ZMAT4: variants seen among roughly 807,000 people sequenced by gnomAD.
ZMAT4 encodes zinc finger matrin-type protein 4.
A neutral mutation model predicts 28.7 loss-of-function variants in ZMAT4; 17 were observed. The ratio of observed to expected loss-of-function variants is 0.59; its 90% CI spans 0.41 to 0.89. The LOEUF (loss-of-function observed/expected upper bound fraction) is 0.89, where lower values mean the gene tolerates loss of function less well. ZMAT4 is among the 40% of genes least tolerant of loss of function. ZMAT4 has a pLI of 0.00. For synonymous variants in ZMAT4, 117 were observed against 109.2 expected (o/e 1.07, Z -0.44); for missense variants, 240 against 283.8 (o/e 0.85, Z 1.11).
chr8:40,670,219 A>G (rs1256733226), intron 5 of ZMAT4, among the ~76,000 whole-genome samples: 1 of 152,206 alleles, frequency 6.6e-6, no homozygotes, highest in Non-Finnish European at 1.5e-5. Context: ...AACAGAATAA[A>G]TTGTCCAGAT....
At chr8:40,846,688 G>A (rs890109451) in intron 1 of ZMAT4, among the ~76,000 whole-genome samples, 6 of 152,176 alleles carry the variant, frequency 3.9e-5, no homozygotes, top group African/African-American at 1.4e-4. Context: ...CAGGAGCAGG[G>A]CTGGGCATTG....
chr8:40,757,486 T>G (rs1812743881), intron 3 of ZMAT4, among the ~76,000 whole-genome samples: 1 of 151,464 alleles, frequency 6.6e-6, no homozygotes, highest in African/African-American at 2.4e-5. Context: ...CTTGGGAGGC[T>G]GAGGCAGGAG....
At position 40,828,077 on chromosome 8, in the gene ZMAT4, G is replaced by A. The variant is rs749127950; in HGVS notation, c.-4-2397C>T. On this transcript the variant is annotated intron_variant, in intron 1 of 6. Transcript: ENST00000297737. ...AAAAGCAAGACCAAGAACAGAATGC[G>A]GGCACTCCGGAGATGGTCTACATGA... is the stretch of plus-strand genomic sequence containing the variant. Among the ~76,000 whole-genome samples the A allele has an allele frequency of 3.9e-5, 6 of 152,202 alleles. No homozygotes were observed. The South Asian group carries it at 8.3e-4, about 21-fold the overall frequency.
chr8:40,892,460 G>A lies in ZMAT4; in HGVS notation c.-5+5223C>T, dbSNP rs1452142158. ...AGTCATCGGCATAAACAGGGAAGCT[G>A]GAGTGGAGTGCATGGTGTTAGTAAC... On this transcript the variant is annotated intron_variant, in intron 1 of 6. Coordinates refer to ENST00000297737, the MANE Select transcript of ZMAT4 (RefSeq NM_024645.3). 2.0e-5 allele frequency among the ~76,000 whole-genome samples: 3 copies of A among 152,324 alleles called. No individual in the cohort carries two copies. The East Asian group carries it at 5.8e-4, about 29-fold the overall frequency.
intron 3 of ZMAT4, among the ~76,000 whole-genome samples, chr8:40,749,686 T>G (rs941081720): frequency 6.6e-6 from 1 of 152,214 alleles, no homozygotes; most frequent in Admixed American, 6.5e-5. Flanking sequence ...ACTACTAAGG[T>G]CACTTATGCA....
intron 1 of ZMAT4, among the ~76,000 whole-genome samples, chr8:40,846,925 T>C (rs1816923411): frequency 6.6e-6 from 1 of 152,164 alleles, no homozygotes; most frequent in Non-Finnish European, 1.5e-5. Context: ...GAGTGGGGAA[T>C]GCCAGGCACA....
intron 6 of ZMAT4, among the ~76,000 whole-genome samples, chr8:40,571,172 A>C (rs1804085713): frequency 6.6e-6 from 1 of 152,144 alleles, no homozygotes; most frequent in Admixed American, 6.5e-5. Context: ...GTAATTCTAG[A>C]GGTGATATGA....
intron 2 of ZMAT4, among the ~76,000 whole-genome samples, chr8:40,817,326 C>T (rs16889981): frequency 0.026 from 4,008 of 152,236 alleles, 205 homozygotes; most frequent in East Asian, 0.21. Flanking sequence ...ACTATGAATG[C>T]TGGCAGTCCC....
Position 40,771,081 on chromosome 8 carries a change from TAAC to T in ZMAT4, c.103-3354_103-3352del, listed in dbSNP as rs543785414. Reference sequence around the variant, plus strand: ...AAAATTAGGGAGACAATTGCAGATTTAACAACAGAAGGCTGATAAAGCAGCCGT... The same window carrying T: ...AAAATTAGGGAGACAATTGCAGATTTAACAGAAGGCTGATAAAGCAGCCGT... On this transcript the variant is annotated intron_variant, in intron 2 of 6. Coordinates refer to ENST00000297737, the MANE Select transcript of ZMAT4 (RefSeq NM_024645.3). 2.6e-5 allele frequency among the ~76,000 whole-genome samples: 4 copies of T among 152,256 alleles called. No individual in the cohort carries two copies. In the South Asian group the frequency reaches 8.3e-4, roughly 32 times the overall value.
At chr8:40,572,976 C>T (rs1362030637) in intron 6 of ZMAT4, among the ~76,000 whole-genome samples, 2 of 152,144 alleles carry the variant, frequency 1.3e-5, no homozygotes, top group Non-Finnish European at 2.9e-5. Context: ...TTGGAAAAGT[C>T]ATTTAACTTC....
chr8:40,849,963 C>G (rs2150634359), intron 1 of ZMAT4, among the ~76,000 whole-genome samples: 1 of 152,250 alleles, frequency 6.6e-6, no homozygotes, highest in Middle Eastern at 3.4e-3. Flanking sequence ...GAATGGAAAC[C>G]TGGGATCGCT....
chr8:40,861,525 G>A (rs556880024), intron 1 of ZMAT4, among the ~76,000 whole-genome samples: 4 of 152,270 alleles, frequency 2.6e-5, no homozygotes, highest in South Asian at 2.1e-4. Flanking sequence ...CAAGGACTTC[G>A]TGTCTAAAAC....
Position 40,615,896 on chromosome 8 carries a change from T to C in ZMAT4, c.578-34635A>G, listed in dbSNP as rs183944703. ...CTAAAATTGACAAATGGGATCTAAT[T>C]AAACTAAAGAGCTTCTGCACAGCAA... On this transcript the variant is annotated intron_variant, in intron 5 of 6. Transcript: ENST00000297737. Among the ~76,000 whole-genome samples, 117 of 152,224 alleles carry C rather than the reference T, an allele frequency of 7.7e-4. 1 individual carries two copies. Among genetic ancestry groups the C allele is most frequent in the African/African-American group, 2.2e-3 (90 of 41,572 alleles).
chr8:40,838,837 G>A lies in ZMAT4; in HGVS notation c.-4-13157C>T, dbSNP rs191160169. On this transcript the variant is annotated intron_variant, in intron 1 of 6. Coordinates refer to ENST00000297737, the MANE Select transcript of ZMAT4 (RefSeq NM_024645.3). Reference sequence around the variant, plus strand: ...GGTGAAGAGGCCAAAATAAAGGGGCGGGACATGAAGGCAATTGGAACTGAG... The same window carrying A: ...GGTGAAGAGGCCAAAATAAAGGGGCAGGACATGAAGGCAATTGGAACTGAG... 2.4e-4 allele frequency among the ~76,000 whole-genome samples: 36 copies of A among 152,254 alleles called. 1 individual carries two copies. The highest frequency in any genetic ancestry group is 3.4e-3 in the Middle Eastern group (1 of 294).
chr8:40,855,942 C>T (rs931779200), intron 1 of ZMAT4, among the ~76,000 whole-genome samples: 15 of 152,004 alleles, frequency 9.9e-5, no homozygotes, highest in Non-Finnish European at 2.2e-4. Flanking sequence ...CCACCCACCT[C>T]GACCTCCCAA....
At position 40,879,996 on chromosome 8, in the gene ZMAT4, T is replaced by C. The variant is rs902569914; in HGVS notation, c.-5+17687A>G. ...TTCAGGAAGATAGATAGTACTGCAG[T>C]GAATGATTTTGTGCACGCATATTTC... On this transcript the variant is annotated intron_variant, in intron 1 of 6. Coordinates refer to ENST00000297737, the MANE Select transcript of ZMAT4 (RefSeq NM_024645.3). Among the ~76,000 whole-genome samples, 74 of 152,282 alleles carry C rather than the reference T, an allele frequency of 4.9e-4. 1 individual carries two copies. Among genetic ancestry groups the C allele is most frequent in the African/African-American group, 1.8e-3 (73 of 41,560 alleles).
intron 3 of ZMAT4, among the ~76,000 whole-genome samples, chr8:40,732,521 T>C (rs1443214021): frequency 6.6e-6 from 1 of 152,202 alleles, no homozygotes; most frequent in Non-Finnish European, 1.5e-5. Flanking sequence ...TGGATTCATA[T>C]CCAGGACTCT....
intron 3 of ZMAT4, among the ~76,000 whole-genome samples, chr8:40,746,351 C>CTTTCCTTTCCTTTCT (rs1487328659): frequency 1.5e-5 from 2 of 134,970 alleles, no homozygotes; most frequent in Admixed American, 7.8e-5. Context: ...CTTTCCTTTC[C>CTTTCCTTTCCTTTCT]TTCCCTTTCT....
intron 3 of ZMAT4, among the ~76,000 whole-genome samples, chr8:40,762,883 A>C (rs765018026): frequency 2.4e-4 from 36 of 152,198 alleles, no homozygotes; most frequent in Non-Finnish European, 4.7e-4. Flanking sequence ...GCAATTTGTT[A>C]CAGCAGCCTT....
Sources: allele counts gnomAD v4.1 joint callset (sites outside exome capture counted in the v4.1 genomes callset), GRCh38; gene constraint gnomAD v4.1.1; transcripts MANE v1.5; gene names NCBI Gene and HGNC (gene_info 2026-07-23, HGNC 2026-07-21).